MGAM2: variants seen among roughly 807,000 people sequenced by gnomAD.
MGAM2 encodes maltase-glucoamylase 2 (putative).
In MGAM2, 98 loss-of-function variants were observed where a neutral mutation model predicts 96.1. The observed-to-expected ratio is 1.02, with a 90% CI of 0.87 to 1.21. The LOEUF is 1.21. Among genes scored for constraint, MGAM2 ranks in the 50% most tolerant of loss-of-function variants. The pLI, the probability that MGAM2 is intolerant of heterozygous loss-of-function variation, is 0.00. For missense variants in MGAM2, 2,055 were observed against 1,182.4 expected, an observed-to-expected ratio of 1.74 and a Z score of -10.82; for synonymous variants, 749 against 414.8, an observed-to-expected ratio of 1.81 and a Z score of -9.79.
intron 37 of MGAM2, among the ~76,000 whole-genome samples, chr7:142,189,808 T>A (rs1796814214): frequency 6.6e-6 from 1 of 152,230 alleles, no homozygotes; most frequent in Non-Finnish European, 1.5e-5. Flanking sequence ...CCATTAGCAA[T>A]CATTTCTACC....
chr7:142,133,884 A>G (rs575585083), intron 6 of MGAM2, 97 bp from the exon 7 acceptor site: 2 of 518,262 alleles, frequency 3.9e-6, no homozygotes, highest in South Asian at 5.4e-5. Flanking sequence ...GCCTGAAACA[A>G]CAGAGGTCTA....
At position 142,187,735 on chromosome 7, in the gene MGAM2, G is replaced by A. The variant is rs977292903; in HGVS notation, c.4123-15G>A. On this transcript the variant is annotated splice_polypyrimidine_tract_variant and intron_variant, in intron 35 of 47. Transcript: ENST00000477922. ...CCCTGACATGACGAGATCTTTTTTT[G>A]TTAACTCATTTCAGGATATGAATGA... 1.4e-6 allele frequency: 1 copy of A among 700,486 alleles called. No homozygotes were observed. The highest frequency in any genetic ancestry group is 2.7e-5 in the East Asian group (1 of 37,258). The allele number at this position is 700,486 out of a possible 1,614,324, so 43.4% of individuals were successfully genotyped here. A position where few individuals can be genotyped will look rare whatever the true frequency, so the allele number is the denominator to read the frequency against.
rs767196616 is a variant in MGAM2 at position 142,175,670 on chromosome 7, A to G, written c.3706A>G (p.Ile1236Val). ...TCTGCAGGACGTCCAGCATGTAGACATCGATTACATGAACCGGAAGCTGGA... is the reference window on the plus strand; with the variant it reads ...TCTGCAGGACGTCCAGCATGTAGACGTCGATTACATGAACCGGAAGCTGGA... Reference protein sequence around the residue: ...QIPYDVQHVDIDYMNRKLDFT... With the variant: ...QIPYDVQHVDVDYMNRKLDFT... The change falls in exon 32 of 48, where the codon ATC becomes GTC. Residue 1236 changes from isoleucine (I) to valine (V), a missense_variant. Transcript: ENST00000477922. 58 of 702,732 alleles carry G rather than the reference A, an allele frequency of 8.3e-5. No individual in the cohort carries two copies. Among genetic ancestry groups the G allele is most frequent in the Admixed American group, 1.2e-4 (6 of 49,990 alleles). The allele number at this position is 702,732 out of a possible 1,614,324, so 43.5% of individuals were successfully genotyped here.
intron 46 of MGAM2, among the ~76,000 whole-genome samples, chr7:142,214,706 G>A (rs890127707): frequency 8.5e-5 from 13 of 152,144 alleles, no homozygotes; most frequent in African/African-American, 2.2e-4. Flanking sequence ...AATCAGTATC[G>A]TGAAAATGGT....
chr7:142,131,913 C>T lies in MGAM2; in HGVS notation c.421-18C>T. 1.4e-6 allele frequency: 1 copy of T among 697,950 alleles called. No homozygotes were observed. Among genetic ancestry groups the T allele is most frequent in the Non-Finnish European group, 2.6e-6 (1 of 382,690 alleles). 43.2% of individuals were successfully genotyped at this position (697,950 alleles called of 1,614,324 possible). On this transcript the variant is annotated intron_variant, in intron 5 of 47. Coordinates refer to ENST00000477922, the MANE Select transcript of MGAM2 (RefSeq NM_001293626.2). ...GTGGTCTTATCTGCAGTTGTCCCTT[C>T]TGTTTTTCTTTTGACAGATCACTGA...
At chr7:142,126,621 G>C (rs1007513519) in intron 3 of MGAM2, among the ~76,000 whole-genome samples, 3 of 151,868 alleles carry the variant, frequency 2.0e-5, no homozygotes, top group African/African-American at 7.3e-5. Context: ...ATTTAATTTA[G>C]AGTTTCACAT....
chr7:142,154,618 A>T (rs1476781148), intron 16 of MGAM2, 111 bp from the exon 17 acceptor site: 12 of 641,006 alleles, frequency 1.9e-5, no homozygotes, highest in Non-Finnish European at 3.1e-5. Flanking sequence ...GATCTCCTTA[A>T]GCATGGGATG....
rs947058820 is a variant in MGAM2 at position 142,154,120 on chromosome 7, G to A, written c.1737G>A (p.Ala579=). The change falls in exon 16 of 48, where the codon GCG becomes GCA. Residue 579 remains alanine (A), a synonymous_variant. Transcript: ENST00000477922. The part of the protein sequence containing the change: ...KFAAHWLGDN[A]ATWDDLRWSI... The stretch of plus-strand genomic sequence containing the variant: ...CTGCTCATTGGCTGGGGGACAATGC[G>A]GCCACATGGGATGACCTCCGATGGT... The A allele has an allele frequency of 2.0e-5, 14 of 691,246 alleles. No individual in the cohort carries two copies. Among genetic ancestry groups the A allele is most frequent in the Non-Finnish European group, 3.5e-5 (13 of 376,606 alleles). The allele number at this position is 691,246 out of a possible 1,614,324, so 42.8% of individuals were successfully genotyped here.
chr7:142,137,989 C>T (rs537567505), intron 9 of MGAM2, among the ~76,000 whole-genome samples: 3 of 152,080 alleles, frequency 2.0e-5, no homozygotes, highest in Admixed American at 6.5e-5. Context: ...CCAAGGTGGG[C>T]GAATCACTTG....
intron 45 of MGAM2, among the ~76,000 whole-genome samples, chr7:142,200,339 C>A (rs1210352710): frequency 6.6e-6 from 1 of 152,146 alleles, no homozygotes; most frequent in Non-Finnish European, 1.5e-5. Context: ...CCATCTATAC[C>A]AGGCACCCTG....
intron 3 of MGAM2, among the ~76,000 whole-genome samples, chr7:142,125,158 A>T (rs1246752999): frequency 2.0e-5 from 3 of 152,196 alleles, no homozygotes; most frequent in Admixed American, 2.0e-4. Flanking sequence ...ACTGATTTTA[A>T]CTAAACCTAA....
chr7:142,137,628 G>C, intron 9 of MGAM2, 83 bp downstream of exon 9: 1 of 515,772 alleles, frequency 1.9e-6, no homozygotes, highest in South Asian at 2.9e-5. Flanking sequence ...AAAATAAAAG[G>C]TATTAGTAAA....
intron 37 of MGAM2, among the ~76,000 whole-genome samples, chr7:142,194,568 T>C (rs1796968862): frequency 3.3e-5 from 5 of 152,216 alleles, no homozygotes; most frequent in Admixed American, 3.3e-4. Flanking sequence ...ATTCTTCCAA[T>C]TTGTGTATGG....
At chr7:142,206,255 C>T (rs114177385) in intron 45 of MGAM2, among the ~76,000 whole-genome samples, 1 of 152,148 alleles carries the variant, frequency 6.6e-6, no homozygotes, top group African/African-American at 2.4e-5. Context: ...CAAAAATGGG[C>T]CTTATTTTAA....
chr7:142,139,226 T>C (rs892526865), intron 10 of MGAM2, among the ~76,000 whole-genome samples: 2 of 152,240 alleles, frequency 1.3e-5, no homozygotes, highest in Non-Finnish European at 2.9e-5. Flanking sequence ...TGATGTTCAA[T>C]GTCCACCAGT....
chr7:142,185,050 G>A (rs868764036), intron 33 of MGAM2, 27 bp from the exon 34 acceptor site: 5 of 702,564 alleles, frequency 7.1e-6, no homozygotes, highest in Non-Finnish European at 1.3e-5. Flanking sequence ...ATCTGTAAAG[G>A]TTTTAATTGC....
chr7:142,148,099 ATGCACACACACG>A lies in MGAM2; in HGVS notation c.1634+537_1634+548del, dbSNP rs1338793065. Among the ~76,000 whole-genome samples the A allele has an allele frequency of 1.3e-5, 2 of 151,898 alleles. No homozygotes were observed. Among genetic ancestry groups the A allele is most frequent in the Admixed American group, 6.6e-5 (1 of 15,228 alleles). ...CCCTTCTGCCCTAAGACACACACAC[ATGCACACACACG>A]TGCACACACAACTATCACCATCACC... is the stretch of plus-strand genomic sequence containing the variant. On this transcript the variant is annotated intron_variant, in intron 15 of 47. Transcript: ENST00000477922. This position sits in a 1 kb window ranked among gnomAD's most constrained non-coding sequence, Gnocchi z 4.2.
Position 142,167,445 on chromosome 7 carries a change from C to A in MGAM2, c.2986C>A (p.Leu996Met), listed in dbSNP as rs1796062216. The A allele has an allele frequency of 1.4e-6, 1 of 703,054 alleles. No homozygotes were observed. Among genetic ancestry groups the A allele is most frequent in the South Asian group, 1.5e-5 (1 of 67,600 alleles). 43.6% of individuals were successfully genotyped at this position (703,054 alleles called of 1,614,324 possible). A position where few individuals can be genotyped will look rare whatever the true frequency, so the allele number is the denominator to read the frequency against. ...SLSAKISFLHLKVIYHTATML... is the reference protein window; with the variant it reads ...SLSAKISFLHMKVIYHTATML... ...CTCTGCAAAGATCAGCTTCCTCCACCTGAAAGTGATCTATCACACAGCAAC... is the reference window on the plus strand; with the variant it reads ...CTCTGCAAAGATCAGCTTCCTCCACATGAAAGTGATCTATCACACAGCAAC... The change falls in exon 26 of 48, where the codon CTG becomes ATG. Residue 996 changes from leucine (L) to methionine (M), a missense_variant. Coordinates refer to ENST00000477922, the MANE Select transcript of MGAM2 (RefSeq NM_001293626.2).
At chr7:142,168,581 C>T (rs1393304536) in intron 26 of MGAM2, among the ~76,000 whole-genome samples, 2 of 152,110 alleles carry the variant, frequency 1.3e-5, no homozygotes, top group African/African-American at 4.8e-5. Flanking sequence ...CGAGAATCTG[C>T]ATTTCTAACA....
Sources: allele counts gnomAD v4.1 joint callset (sites outside exome capture counted in the v4.1 genomes callset), GRCh38; gene constraint gnomAD v4.1.1; non-coding constraint Gnocchi (gnomAD v3.1); transcripts MANE v1.5; gene names NCBI Gene and HGNC (gene_info 2026-07-23, HGNC 2026-07-21).